Variants in TUT4 observed in about 807,000 individuals in gnomAD.
The protein encoded by TUT4 is terminal uridylyl transferase 4.
TUT4 carries 36 observed loss-of-function variants against 192.2 expected under a neutral mutation model. That is an observed-to-expected ratio of 0.19 (90% CI 0.14 to 0.25). The LOEUF (loss-of-function observed/expected upper bound fraction) is 0.25. TUT4 is among the 10% of genes least tolerant of loss of function. The probability of loss-of-function intolerance (pLI) is 1.00; values close to 1 mark genes in which losing one functional copy is unlikely to be tolerated. For missense variants in TUT4, 1,493 were observed against 1,957.2 expected, an observed-to-expected ratio of 0.76 and a Z score of 4.47; for synonymous variants, 618 against 666.0, an observed-to-expected ratio of 0.93 and a Z score of 1.11.
intron 1 of TUT4, among the ~76,000 whole-genome samples, chr1:52,531,885 C>CTTTTTTTTTTT (rs1158088077): frequency 1.2e-5 from 1 of 80,806 alleles, no homozygotes; most frequent in African/African-American, 5.8e-5. Context: ...CTTTTCTCAT[C>CTTTTTTTTTTT]TTTTTTTTTT....
rs1434601509 is a variant in TUT4 at position 52,475,195 on chromosome 1, T to C, written c.2364A>G (p.Leu788=). The C allele has an allele frequency of 1.2e-6, 2 of 1,614,182 alleles. No homozygotes were observed. Among genetic ancestry groups the C allele is most frequent in the South Asian group, 1.1e-5 (1 of 91,080 alleles). Residue 788 remains leucine (L), a synonymous_variant, in exon 13 of 30, where the codon CTA becomes CTG. Transcript: ENST00000257177. The part of the protein sequence containing the change: ...IDNNNLLVNE[L]DFADHGQDSS... ...AGTCCTGTCCGTGGTCAGCAAAATC[T>C]AGTTCATTTACCAACAAATTGTTGT... is the stretch of plus-strand genomic sequence containing the variant.
intron 7 of TUT4, among the ~76,000 whole-genome samples, chr1:52,491,251 C>T (rs1278922439): frequency 6.6e-6 from 1 of 152,160 alleles, no homozygotes; most frequent in African/African-American, 2.4e-5. Flanking sequence ...ACTCTTCAGG[C>T]CACATTTCCC....
chr1:52,525,365 CT>C (rs11347391), intron 2 of TUT4, among the ~76,000 whole-genome samples, 197 bp downstream of exon 2: 47,310 of 146,090 alleles, frequency 0.32, 9,230 homozygotes, highest in African/African-American at 0.58. Flanking sequence ...AATGAAAAGG[CT>C]TTTTTTTTTT....
intron 15 of TUT4, among the ~76,000 whole-genome samples, chr1:52,467,831 C>A (rs1006895685): frequency 6.6e-6 from 1 of 152,092 alleles, no homozygotes; most frequent in South Asian, 2.1e-4. Flanking sequence ...AATGTTTTCT[C>A]CTTGGATATT....
intron 27 of TUT4, 24 bp from the exon 28 acceptor site, chr1:52,431,484 TTTAA>T (rs778695448): frequency 3.6e-5 from 51 of 1,428,296 alleles, no homozygotes; most frequent in East Asian, 2.0e-4. Flanking sequence ...AAAAATTTTT[TTTAA>T]TTAATTTATA....
chr1:52,472,300 CCCCACTAAAAT>C (rs1274103641), intron 13 of TUT4, among the ~76,000 whole-genome samples, 198 bp from the exon 14 acceptor site: 1 of 151,456 alleles, frequency 6.6e-6, no homozygotes, highest in African/African-American at 2.4e-5. Flanking sequence ...ACTTTTTCTT[CCCCACTAAAAT>C]TATATCAAGG....
chr1:52,522,987 C>CTTTTT lies in TUT4; in HGVS notation c.718+2571_718+2575dup, dbSNP rs748149518. 6.3e-3 allele frequency among the ~76,000 whole-genome samples: 560 copies of CTTTTT among 89,528 alleles called. 1 individual carries two copies. Among genetic ancestry groups the CTTTTT allele is most frequent in the Non-Finnish European group, 7.5e-3 (389 of 51,670 alleles). 58.7% of individuals were successfully genotyped at this position (89,528 alleles called of 152,430 possible). A position where few individuals can be genotyped will look rare whatever the true frequency, so the allele number is the denominator to read the frequency against. Reference sequence around the variant, plus strand: ...TTCAAATAACAAGACCCTTAACTATCTTTTTTTTTTTTTTTTTTTTTTTGA... The same window carrying CTTTTT: ...TTCAAATAACAAGACCCTTAACTATCTTTTTTTTTTTTTTTTTTTTTTTTTTTTGA... On this transcript the variant is annotated intron_variant, in intron 2 of 29. Transcript: ENST00000257177.
rs1557628532 is a variant in TUT4 at position 52,431,052 on chromosome 1, G to A, written c.4672C>T (p.Pro1558Ser). Residue 1558 changes from proline (P) to serine (S), a missense_variant, in exon 28 of 30, where the codon CCA (proline) becomes TCA (serine). Physicochemically the swap from Pro to Ser is moderately conservative, Grantham distance 74. Transcript: ENST00000257177. ...GCACCACTGTTTACCAGGGAATTTG[G>A]AGCCACAGTACGGGGCCAGTGTCCA... ...HDGHWPRTVA[P>S]NSLVNSGAVG... The A allele has an allele frequency of 1.9e-6, 3 of 1,601,836 alleles. No homozygotes were observed. The highest frequency in any genetic ancestry group is 1.7e-6 in the Non-Finnish European group (2 of 1,170,256).
chr1:52,513,078 G>A (rs529275471), intron 3 of TUT4, among the ~76,000 whole-genome samples: 2 of 149,972 alleles, frequency 1.3e-5, no homozygotes, highest in African/African-American at 2.5e-5. Context: ...AGCCGAGACC[G>A]CGCCACTGCA....
At chr1:52,496,497 CA>C in intron 5 of TUT4, among the ~76,000 whole-genome samples, 1 of 152,082 alleles carries the variant, frequency 6.6e-6, no homozygotes. Context: ...ACGTCAGATA[CA>C]TTTACTTTAA....
chr1:52,509,485 A>G (rs1676515169), intron 4 of TUT4, 111 bp downstream of exon 4: 3 of 691,378 alleles, frequency 4.3e-6, no homozygotes, highest in Non-Finnish European at 7.3e-6. Context: ...CACTTCAGTT[A>G]CCAATATAAG....
At chr1:52,468,159 A>C (rs74949139) in intron 15 of TUT4, 22 bp downstream of exon 15, 21 of 1,564,068 alleles carry the variant, frequency 1.3e-5, no homozygotes, top group East Asian at 2.3e-5. Flanking sequence ...AAACGCAATA[A>C]ATTTTTTAAC....
chr1:52,433,629 G>T (rs918999552), intron 27 of TUT4: 10 of 152,296 alleles, frequency 6.6e-5, no homozygotes, highest in African/African-American at 2.2e-4. Flanking sequence ...AGGACTAGTA[G>T]CATAAAATGA....
chr1:52,537,931 TAAACAAAC>T (rs200627848), intron 1 of TUT4, among the ~76,000 whole-genome samples: 1 of 151,492 alleles, frequency 6.6e-6, no homozygotes, highest in Non-Finnish European at 1.5e-5. Context: ...AATAAATAAA[TAAACAAAC>T]AAACTAATTA....
At chr1:52,471,189 G>C (rs1665682020) in intron 14 of TUT4, among the ~76,000 whole-genome samples, 1 of 151,782 alleles carries the variant, frequency 6.6e-6, no homozygotes, top group African/African-American at 2.4e-5. Flanking sequence ...GCTAATTTCT[G>C]TATTTTTAGC....
chr1:52,533,686 G>C (rs1188108752), intron 1 of TUT4, among the ~76,000 whole-genome samples: 4 of 152,110 alleles, frequency 2.6e-5, no homozygotes, highest in Non-Finnish European at 5.9e-5. Context: ...GGAAACATGA[G>C]GCCAGGCACA....
intron 9 of TUT4, among the ~76,000 whole-genome samples, chr1:52,486,849 AT>A (rs1250195704): frequency 6.6e-6 from 1 of 152,082 alleles, no homozygotes; most frequent in African/African-American, 2.4e-5. Flanking sequence ...TATGGGCCAT[AT>A]TTTTTTCCAA....
chr1:52,444,942 CATGT>C (rs1348663831), intron 24 of TUT4, among the ~76,000 whole-genome samples: 1 of 113,348 alleles, frequency 8.8e-6, no homozygotes, highest in African/African-American at 6.2e-5. Context: ...TATGTATATA[CATGT>C]ATGTGTATAT....
intron 4 of TUT4, among the ~76,000 whole-genome samples, chr1:52,508,415 C>T (rs1198019066): frequency 6.6e-6 from 1 of 152,000 alleles, no homozygotes; most frequent in Non-Finnish European, 1.5e-5. Flanking sequence ...TGGAAAATTC[C>T]TAATTATTAT....
Sources: allele counts gnomAD v4.1 joint callset (sites outside exome capture counted in the v4.1 genomes callset), GRCh38; gene constraint gnomAD v4.1.1; transcripts MANE v1.5; gene names NCBI Gene and HGNC (gene_info 2026-07-23, HGNC 2026-07-21).